The following CFAP300 variants were observed in gnomAD, a reference collection of about 807,000 sequenced individuals.
CFAP300 encodes the protein cilia- and flagella-associated protein 300.
In CFAP300, 32 loss-of-function variants were observed where a neutral mutation model predicts 33.0. The ratio of observed to expected loss-of-function variants is 0.97; its 90% CI spans 0.73 to 1.30. The LOEUF (loss-of-function observed/expected upper bound fraction) is 1.30. Among genes scored for constraint, CFAP300 ranks in the 50% most tolerant of loss-of-function variants. The pLI is 0.00. For missense variants in CFAP300, 356 were observed against 318.1 expected, an observed-to-expected ratio of 1.12 and a Z score of -0.90; for synonymous variants, 102 against 106.8, an observed-to-expected ratio of 0.95 and a Z score of 0.28.
In CFAP300 at chr11:102,062,251, G is replaced by A. The variant is rs116766564; in HGVS notation, c.268+3296G>A. ...GCCTCTAAAACTTTGAGAAATACATGTCTATTGTTTAAGCCACCCAGACTA... is the reference window on the plus strand; with the variant it reads ...GCCTCTAAAACTTTGAGAAATACATATCTATTGTTTAAGCCACCCAGACTA... On this transcript the variant is annotated intron_variant, in intron 3 of 6. Transcript: ENST00000434758. Among the ~76,000 whole-genome samples, 688 of 152,260 alleles carry A rather than the reference G, an allele frequency of 4.5e-3. 9 individuals carry two copies. The highest frequency in any genetic ancestry group is 0.016 in the African/African-American group (662 of 41,556).
At chr11:102,073,272 T>C (rs10750628) in intron 4 of CFAP300, among the ~76,000 whole-genome samples, 82,357 of 151,930 alleles carry the variant, frequency 0.54, 23,086 homozygotes, top group East Asian at 0.75. Flanking sequence ...GTGGCTGTGA[T>C]GTGCTAGGCA....
intron 2 of CFAP300, 81 bp from the exon 3 acceptor site, chr11:102,058,799 A>G: frequency 1.2e-5 from 9 of 770,682 alleles, no homozygotes; most frequent in Non-Finnish European, 1.9e-5. Flanking sequence ...GAATTAAAGG[A>G]GATTATAGTT....
At chr11:102,051,580 A>C (rs1941971461) in intron 2 of CFAP300, among the ~76,000 whole-genome samples, 1 of 152,246 alleles carries the variant, frequency 6.6e-6, no homozygotes, top group Non-Finnish European at 1.5e-5. Flanking sequence ...GATAGATAAT[A>C]TAGTCAAATA....
Position 102,047,829 on chromosome 11 carries a change from G to C in CFAP300, c.125G>C (p.Arg42Thr), listed in dbSNP as rs1276660364. 1 of 1,614,144 alleles carries C rather than the reference G, an allele frequency of 6.2e-7. No homozygotes were observed. The highest frequency in any genetic ancestry group is 8.5e-7 in the Non-Finnish European group (1 of 1,180,026). The stretch of plus-strand genomic sequence containing the variant: ...CTCTGCCCCAGGTCCATGCTGGGCA[G>C]AATCAAGGCGCAGGCGTTCGGCTTT... ...SRLRQWSMLG[R>T]IKAQAFGFDQ... Residue 42 changes from arginine (R) to threonine (T), a missense_variant, in exon 2 of 7, where the codon AGA becomes ACA. By Grantham distance (71) the Arg-to-Thr change is moderately conservative. Coordinates refer to ENST00000434758, the MANE Select transcript of CFAP300 (RefSeq NM_032930.3).
intron 2 of CFAP300, among the ~76,000 whole-genome samples, chr11:102,056,835 G>A (rs965050614): frequency 1.3e-5 from 2 of 151,762 alleles, no homozygotes; most frequent in Non-Finnish European, 2.9e-5. Context: ...ATGTTAGCCA[G>A]GCTGATCTTG....
At chr11:102,049,407 A>C (rs951483996) in intron 2 of CFAP300, among the ~76,000 whole-genome samples, 1 of 152,168 alleles carries the variant, frequency 6.6e-6, no homozygotes, top group Non-Finnish European at 1.5e-5. Context: ...AATTAATTAC[A>C]TCAGCAACAA....
chr11:102,051,685 T>C (rs1286729815), intron 2 of CFAP300, among the ~76,000 whole-genome samples: 1 of 152,132 alleles, frequency 6.6e-6, no homozygotes, highest in Non-Finnish European at 1.5e-5. Flanking sequence ...GAAACTTATC[T>C]TTTTTCCCCT....
intron 2 of CFAP300, among the ~76,000 whole-genome samples, chr11:102,056,442 G>A (rs943689480): frequency 2.0e-5 from 3 of 152,202 alleles, no homozygotes; most frequent in Non-Finnish European, 4.4e-5. Flanking sequence ...GAAAGTGCAT[G>A]TCTTCTGGTG....
chr11:102,053,608 C>T (rs919418760), intron 2 of CFAP300, among the ~76,000 whole-genome samples: 2 of 151,582 alleles, frequency 1.3e-5, no homozygotes, highest in Non-Finnish European at 2.9e-5. Flanking sequence ...TGGCTGGTGT[C>T]GTGGCTCATG....
intron 2 of CFAP300, among the ~76,000 whole-genome samples, chr11:102,056,910 C>A (rs940097563): frequency 6.6e-6 from 1 of 151,956 alleles, no homozygotes; most frequent in African/African-American, 2.4e-5. Context: ...CAGGCCTGAG[C>A]CACCGCACCT....
intron 3 of CFAP300, among the ~76,000 whole-genome samples, chr11:102,061,693 T>C (rs1282261214): frequency 1.3e-5 from 2 of 152,226 alleles, no homozygotes; most frequent in African/African-American, 4.8e-5. Context: ...GCAGTTTTAC[T>C]CGACTGAGTG....
Position 102,066,366 on chromosome 11 carries a change from T to C in CFAP300, c.269-119T>C. On this transcript the variant is annotated intron_variant, in intron 3 of 6. Coordinates refer to ENST00000434758, the MANE Select transcript of CFAP300 (RefSeq NM_032930.3). ...TAAACTAATATATATTTTAAATATA[T>C]CAAAAATGTCATATTTGTTAACTTC... 5.1e-6 allele frequency: 3 copies of C among 589,378 alleles called. No homozygotes were observed. The South Asian group carries it at 9.9e-5, about 19-fold the overall frequency. 36.5% of individuals were successfully genotyped at this position (589,378 alleles called of 1,614,324 possible). A position where few individuals can be genotyped will look rare whatever the true frequency, so the allele number is the denominator to read the frequency against.
Position 102,047,487 on chromosome 11 carries a change from T to C in CFAP300, c.17T>C (p.Leu6Pro). Residue 6 changes from leucine (L) to proline (P), a missense_variant, in exon 1 of 7, where the codon CTC becomes CCC. By Grantham distance (98) the Leu-to-Pro change is moderately conservative. Transcript: ENST00000434758. The stretch of plus-strand genomic sequence containing the variant: ...GAGAGCACGATGGCTACTGGGGAGC[T>C]CGGGGACTTGGGTGGCTACTACTTC... MATGE[L>P]GDLGGYYFRF... 6.5e-7 allele frequency: 1 copy of C among 1,535,890 alleles called. No homozygotes were observed. Among genetic ancestry groups the C allele is most frequent in the Non-Finnish European group, 8.7e-7 (1 of 1,146,742 alleles).
intron 2 of CFAP300, among the ~76,000 whole-genome samples, chr11:102,054,532 A>T (rs568558668): frequency 7.1e-6 from 1 of 140,796 alleles, no homozygotes; most frequent in East Asian, 2.1e-4. Context: ...GGAGTTCAAG[A>T]CCAGCCTGGC....
intron 2 of CFAP300, among the ~76,000 whole-genome samples, chr11:102,055,571 C>T (rs1181928973): frequency 6.6e-6 from 1 of 150,678 alleles, no homozygotes; most frequent in African/African-American, 2.4e-5. Flanking sequence ...GTTGCTCAGG[C>T]TGGTCTCGAA....
At chr11:102,064,528 G>A (rs1426799097) in intron 3 of CFAP300, among the ~76,000 whole-genome samples, 1 of 152,194 alleles carries the variant, frequency 6.6e-6, no homozygotes, top group African/African-American at 2.4e-5. Context: ...GCCTCCACAT[G>A]AGCCCAGCTC....
chr11:102,056,461 A>G (rs750267186), intron 2 of CFAP300, among the ~76,000 whole-genome samples: 12 of 152,232 alleles, frequency 7.9e-5, no homozygotes, highest in Non-Finnish European at 1.5e-4. Context: ...TGCTTTCACC[A>G]AAAGTTACCA....
chr11:102,080,311 G>T (rs1942455805), intron 5 of CFAP300, among the ~76,000 whole-genome samples: 1 of 152,044 alleles, frequency 6.6e-6, no homozygotes, highest in African/African-American at 2.4e-5. Flanking sequence ...CTTTTGTGGG[G>T]AGAGTAACTG....
chr11:102,073,088 G>A (rs142944805), intron 4 of CFAP300, among the ~76,000 whole-genome samples: 94 of 152,264 alleles, frequency 6.2e-4, no homozygotes, highest in African/African-American at 2.0e-3. Context: ...GCAGGTCCAA[G>A]CAGGCTGATT....
Sources: allele counts gnomAD v4.1 joint callset (sites outside exome capture counted in the v4.1 genomes callset), GRCh38; gene constraint gnomAD v4.1.1; transcripts MANE v1.5; gene names NCBI Gene and HGNC (gene_info 2026-07-23, HGNC 2026-07-21).